Variants in PTPN21 observed in about 807,000 individuals in gnomAD.
PTPN21 encodes tyrosine-protein phosphatase non-receptor type 21.
Under a neutral mutation model 131.8 loss-of-function variants are expected in PTPN21, and 77 were observed. That is an observed-to-expected ratio of 0.58 (90% confidence interval 0.49 to 0.71). The LOEUF (loss-of-function observed/expected upper bound fraction) is 0.71. Ranked by LOEUF, PTPN21 falls within the 30% of genes least tolerant of loss-of-function variation. PTPN21 has a pLI of 0.00. For missense variants in PTPN21, 1,552 were observed against 1,527.1 expected, an observed-to-expected ratio of 1.02 and a Z score of -0.27; for synonymous variants, 715 against 621.3, an observed-to-expected ratio of 1.15 and a Z score of -2.24.
At chr14:88,474,702 C>T (rs1034095568) in intron 13 of PTPN21, among the ~76,000 whole-genome samples, 1 of 152,100 alleles carries the variant, frequency 6.6e-6, no homozygotes, top group Non-Finnish European at 1.5e-5. Context: ...CATCATGACA[C>T]CAGGAGGATA....
intron 4 of PTPN21, 75 bp from the exon 5 acceptor site, chr14:88,505,446 C>G: frequency 1.0e-6 from 1 of 976,558 alleles, no homozygotes. Flanking sequence ...AAATTCAATA[C>G]GCAGTATATC....
At chr14:88,490,782 T>C (rs1399415284) in intron 10 of PTPN21, among the ~76,000 whole-genome samples, 1 of 152,228 alleles carries the variant, frequency 6.6e-6, no homozygotes, top group Non-Finnish European at 1.5e-5. Context: ...AGTGGCCTGC[T>C]GCAGTCTGAA....
chr14:88,526,443 C>T (rs8021978), intron 2 of PTPN21, among the ~76,000 whole-genome samples: 3 of 147,480 alleles, frequency 2.0e-5, no homozygotes, highest in South Asian at 4.4e-4. Context: ...TCAGCTACTC[C>T]GGAGGCTGAG....
chr14:88,525,323 A>G (rs768698003), intron 2 of PTPN21, among the ~76,000 whole-genome samples: 4 of 152,174 alleles, frequency 2.6e-5, no homozygotes, highest in Admixed American at 6.5e-5. Context: ...CAAATTATAT[A>G]TCTGATAAAG....
chr14:88,536,487 C>T lies in PTPN21; in HGVS notation c.180+13751G>A, dbSNP rs1023983452. Among the ~76,000 whole-genome samples, 3 of 152,076 alleles carry T rather than the reference C, an allele frequency of 2.0e-5. No homozygotes were observed. In the South Asian group the frequency reaches 6.2e-4, roughly 31 times the overall value. On this transcript the variant is annotated intron_variant, in intron 2 of 18. Coordinates refer to ENST00000556564, the MANE Select transcript of PTPN21 (RefSeq NM_007039.4). ...TGATTTGATAACCAAGTTTTTTGTT[C>T]AAAGCAAAAGAGAGTTTACAAATTT...
At chr14:88,481,463 T>C (rs966133688) in intron 12 of PTPN21, among the ~76,000 whole-genome samples, 2 of 152,144 alleles carry the variant, frequency 1.3e-5, no homozygotes, top group Non-Finnish European at 2.9e-5. Flanking sequence ...ACTAGCTCTA[T>C]ATACACCTAG....
chr14:88,505,691 A>G (rs2078077290), intron 4 of PTPN21, among the ~76,000 whole-genome samples: 1 of 152,214 alleles, frequency 6.6e-6, no homozygotes, highest in African/African-American at 2.4e-5. Flanking sequence ...GTACAGGAAA[A>G]TGTCAAGGAG....
rs768751136 is a variant in PTPN21 at position 88,469,580 on chromosome 14, C to T, written c.3154G>A (p.Gly1052Arg). Residue 1052 changes from glycine (G) to arginine (R), a missense_variant, in exon 17 of 19, where the codon GGG becomes AGG. Physicochemically the swap from Gly to Arg is moderately radical, Grantham distance 125. This residue lies in a region of PTPN21 where 316 missense variants were observed against 378.5 expected (regional missense o/e 0.83). Coordinates refer to ENST00000556564, the MANE Select transcript of PTPN21 (RefSeq NM_007039.4). The surrounding 1 kb of genome is among the most constrained non-coding windows in gnomAD (Gnocchi z 4.3). ...AGGTGCCAGACGGTCCTCTCTTGCCCAGTAAGGAGGTGCTTCATCTTCAGG... is the reference window on the plus strand; with the variant it reads ...AGGTGCCAGACGGTCCTCTCTTGCCTAGTAAGGAGGTGCTTCATCTTCAGG... ...TGLKMKHLLT[G>R]QERTVWHLQY... 10 of 1,613,978 alleles carry T rather than the reference C, an allele frequency of 6.2e-6. No homozygotes were observed. The highest frequency in any genetic ancestry group is 5.5e-5 in the South Asian group (5 of 91,072).
At chr14:88,473,543 C>A in intron 14 of PTPN21, 122 bp downstream of exon 14, 1 of 1,231,756 alleles carries the variant, frequency 8.1e-7, no homozygotes, top group Non-Finnish European at 1.1e-6. Flanking sequence ...TTACAAAATT[C>A]CTTAACACTC....
intron 10 of PTPN21, among the ~76,000 whole-genome samples, chr14:88,494,321 G>C (rs2077870123): frequency 6.6e-6 from 1 of 152,156 alleles, no homozygotes; most frequent in Non-Finnish European, 1.5e-5. Flanking sequence ...GAGGATAAAA[G>C]ACATAAGGTT....
chr14:88,515,906 C>T (rs947287587), intron 3 of PTPN21, among the ~76,000 whole-genome samples: 4 of 152,106 alleles, frequency 2.6e-5, no homozygotes, highest in African/African-American at 9.7e-5. Flanking sequence ...TTCTGGCTTC[C>T]ACTTTTCTCT....
chr14:88,528,599 T>C (rs2078512996), intron 2 of PTPN21, among the ~76,000 whole-genome samples: 1 of 152,224 alleles, frequency 6.6e-6, no homozygotes, highest in South Asian at 2.1e-4. Flanking sequence ...GGTAACTGAA[T>C]CATGGGGGCA....
rs2140085720 is a variant in PTPN21, at chr14:88,472,519, CT to C, written c.2650-55del. On this transcript the variant is annotated intron_variant, in intron 14 of 18. Transcript: ENST00000556564. ...GAATACAGCCACACGTCGTGGCTACCTTTTGACTGTATATTTGAAATCTTGT... is the reference window on the plus strand; with the variant it reads ...GAATACAGCCACACGTCGTGGCTACCTTTGACTGTATATTTGAAATCTTGT... 3.7e-6 allele frequency: 4 copies of C among 1,076,732 alleles called. No homozygotes were observed. In the South Asian group the frequency reaches 4.1e-5, roughly 11 times the overall value. The allele number at this position is 1,076,732 out of a possible 1,614,324, so 66.7% of individuals were successfully genotyped here. A position where few individuals can be genotyped will look rare whatever the true frequency, so the allele number is the denominator to read the frequency against.
rs1201685616 is a variant in PTPN21, at chr14:88,467,177, A to ACT, written c.*958_*959dup. On this transcript the variant is annotated 3_prime_UTR_variant, in exon 19 of 19. Transcript: ENST00000556564. ...TACTCTTGTCCTAGTCATCTTACATACTCTTAGTCCTTAATCTCTCCCAAA... is the reference window on the plus strand; with the variant it reads ...TACTCTTGTCCTAGTCATCTTACATACTCTCTTAGTCCTTAATCTCTCCCAAA... 1 of 150,968 alleles carries ACT rather than the reference A, an allele frequency of 6.6e-6. No individual in the cohort carries two copies. Among genetic ancestry groups the ACT allele is most frequent in the Admixed American group, 6.6e-5 (1 of 15,208 alleles). 9.4% of individuals were successfully genotyped at this position (150,968 alleles called of 1,614,324 possible). A position where few individuals can be genotyped will look rare whatever the true frequency, so the allele number is the denominator to read the frequency against.
intron 4 of PTPN21, 64 bp from the exon 5 acceptor site, chr14:88,505,435 A>G: frequency 8.8e-7 from 1 of 1,130,820 alleles, no homozygotes; most frequent in Non-Finnish European, 1.3e-6. Flanking sequence ...TATGCACAAC[A>G]AAATTCAATA....
At chr14:88,522,407 G>GC (rs2078408703) in intron 2 of PTPN21, among the ~76,000 whole-genome samples, 2 of 142,596 alleles carry the variant, frequency 1.4e-5, no homozygotes, top group South Asian at 4.5e-4. Context: ...TCCAGCCTGG[G>GC]CGACAGAGCA....
chr14:88,508,146 GTGTGTT>G, intron 3 of PTPN21, 126 bp from the exon 4 acceptor site: 1 of 436,564 alleles, frequency 2.3e-6, no homozygotes, highest in African/African-American at 2.4e-5. Flanking sequence ...ACATGGTTGT[GTGTGTT>G]TTTTTTTTTT....
chr14:88,468,055 G>C lies in PTPN21; in HGVS notation c.*82C>G. The C allele has an allele frequency of 6.6e-7, 1 of 1,516,516 alleles. No homozygotes were observed. The highest frequency in any genetic ancestry group is 1.8e-5 in the Admixed American group (1 of 56,004). 93.9% of individuals were successfully genotyped at this position (1,516,516 alleles called of 1,614,324 possible). A position where few individuals can be genotyped will look rare whatever the true frequency, so the allele number is the denominator to read the frequency against. ...CACGCTGCGTGGATCAAGTGTCAAC[G>C]GGAAAGTATGAGTTAGGCAAGCGCT... On this transcript the variant is annotated 3_prime_UTR_variant, in exon 19 of 19. Transcript: ENST00000556564.
intron 10 of PTPN21, chr14:88,493,036 A>C: frequency 2.2e-6 from 1 of 455,176 alleles, no homozygotes; most frequent in Non-Finnish European, 4.4e-6. Context: ...AGCGGCTAAG[A>C]GCACAGGCTC....
Sources: gnomAD v4.1 joint callset for allele counts (sites outside exome capture counted in the v4.1 genomes callset) on GRCh38, gnomAD v4.1.1 for gene constraint, gnomAD v4.1.1 regional missense constraint, Gnocchi (gnomAD v3.1) non-coding constraint, MANE v1.5 for transcripts, NCBI Gene and HGNC (gene_info 2026-07-23, HGNC 2026-07-21) for gene names.